The following USP19 variants were observed in gnomAD, a reference collection of about 807,000 sequenced individuals.
USP19 encodes ubiquitin carboxyl-terminal hydrolase 19.
A neutral mutation model predicts 144.8 loss-of-function variants in USP19; 40 were observed. The ratio of observed to expected loss-of-function variants is 0.28; its 90% confidence interval spans 0.21 to 0.36. USP19 has a LOEUF of 0.36. Among genes scored for constraint, USP19 ranks in the 10% least tolerant of loss-of-function variants. The pLI is 1.00. For synonymous variants in USP19, 701 were observed against 709.3 expected (o/e 0.99, Z 0.19); for missense variants, 1,518 against 1,822.5 (o/e 0.83, Z 3.04).
chr3:49,115,948 A>G lies in USP19; in HGVS notation c.1472-4T>C. 1 of 1,551,812 alleles carries G rather than the reference A, an allele frequency of 6.4e-7. No homozygotes were observed. Among genetic ancestry groups the G allele is most frequent in the Non-Finnish European group, 8.7e-7 (1 of 1,151,520 alleles). ...ACCTTTGCACCACCCACTGCACCTTAAAAAGGGGGAATGAGAGGGCTGGTG... is the reference window on the plus strand; with the variant it reads ...ACCTTTGCACCACCCACTGCACCTTGAAAAGGGGGAATGAGAGGGCTGGTG... On this transcript the variant is annotated splice_polypyrimidine_tract_variant and splice_region_variant and intron_variant, in intron 10 of 26. Coordinates refer to ENST00000417901, the MANE Select transcript of USP19 (RefSeq NM_001199161.2). The surrounding 1 kb of genome is among the most constrained non-coding windows in gnomAD (Gnocchi z 6.6).
Position 49,117,923 on chromosome 3 carries a change from AC to A in USP19, c.298+23del. The A allele has an allele frequency of 6.2e-7, 1 of 1,613,048 alleles. No individual in the cohort carries two copies. Among genetic ancestry groups the A allele is most frequent in the Non-Finnish European group, 8.5e-7 (1 of 1,179,748 alleles). ...AAGTGCCCCCTCCCCTTCCCTAGCA[AC>A]AAAAAGCCCATTCGTTACTGACCCT... On this transcript the variant is annotated intron_variant, in intron 3 of 26. Transcript: ENST00000417901. The surrounding 1 kb of genome is among the most constrained non-coding windows in gnomAD (Gnocchi z 4.4).
chr3:49,109,878 G>A (rs2042880013), intron 26 of USP19: 1 of 231,008 alleles, frequency 4.3e-6, no homozygotes, highest in Admixed American at 5.4e-5. Context: ...ATCTAGGAGA[G>A]TGTCAGGTAT....
rs1363665075 is a variant in USP19 at position 49,111,382 on chromosome 3, T to C, written c.3218-17A>G. On this transcript the variant is annotated splice_polypyrimidine_tract_variant and intron_variant, in intron 21 of 26. Coordinates refer to ENST00000417901, the MANE Select transcript of USP19 (RefSeq NM_001199161.2). The surrounding 1 kb of genome is among the most constrained non-coding windows in gnomAD (Gnocchi z 5.9). ...GCACAGCAGCTGTGTGAGAACATGATAATCAAAGCTTCCCTGCCCATCAGG... is the reference window on the plus strand; with the variant it reads ...GCACAGCAGCTGTGTGAGAACATGACAATCAAAGCTTCCCTGCCCATCAGG... The C allele has an allele frequency of 1.2e-6, 2 of 1,613,950 alleles. No homozygotes were observed. The highest frequency in any genetic ancestry group is 1.7e-6 in the Non-Finnish European group (2 of 1,180,020).
Position 49,108,504 on chromosome 3 carries a change from C to A in USP19, c.4063G>T (p.Glu1355Ter). 8.0e-7 allele frequency: 1 copy of A among 1,249,596 alleles called. No homozygotes were observed. The highest frequency in any genetic ancestry group is 1.0e-6 in the Non-Finnish European group (1 of 970,496). 77.4% of individuals were successfully genotyped at this position (1,249,596 alleles called of 1,614,324 possible). The part of the protein sequence containing the change: ...SQGLGPGQAP[E>*]VAPTRTAPER... ...GGGGCTGTCCGCGTGGGGGCCACCT[C>A]GGGGGCCTGGCCAGGGCCTAGTCCC... The change falls in exon 27 of 27, where the codon GAG (glutamate) becomes TAG (stop). Residue 1355 changes from glutamate (E) to a stop codon, truncating the protein, a stop_gained. Transcript: ENST00000417901. LOFTEE classifies it high-confidence loss of function. The surrounding 1 kb of genome is among the most constrained non-coding windows in gnomAD (Gnocchi z 4.8).
At position 49,117,381 on chromosome 3, in the gene USP19, C is replaced by A; in HGVS notation, c.607-20G>T. The A allele has an allele frequency of 6.2e-7, 1 of 1,605,492 alleles. No individual in the cohort carries two copies. The highest frequency in any genetic ancestry group is 1.1e-5 in the South Asian group (1 of 90,850). Reference sequence around the variant, plus strand: ...TTTCTTCTGCCAAAGATACAGCAGTCAGGCCCTGTCGACTACACTGGTATC... The same window carrying A: ...TTTCTTCTGCCAAAGATACAGCAGTAAGGCCCTGTCGACTACACTGGTATC... On this transcript the variant is annotated intron_variant, in intron 5 of 26. Coordinates refer to ENST00000417901, the MANE Select transcript of USP19 (RefSeq NM_001199161.2). This position sits in a 1 kb window ranked among gnomAD's most constrained non-coding sequence, Gnocchi z 4.4.
In USP19 at chr3:49,110,994, G is replaced by A. The variant is rs749208880; in HGVS notation, c.3501C>T (p.Leu1167=). 2.5e-6 allele frequency: 4 copies of A among 1,614,052 alleles called. No homozygotes were observed. Among genetic ancestry groups the A allele is most frequent in the East Asian group, 2.2e-5 (1 of 44,864 alleles). ...RAGHFTLDQC[L]NLFTRPEVLA... ...GCACCTCAGGCCGTGTGAAGAGGTT[G>A]AGGCACTGGTCCAGGGTGAAGTGGC... Residue 1167 remains leucine (L), a synonymous_variant, in exon 23 of 27, where the codon CTC becomes CTT. Coordinates refer to ENST00000417901, the MANE Select transcript of USP19 (RefSeq NM_001199161.2). The surrounding 1 kb of genome is among the most constrained non-coding windows in gnomAD (Gnocchi z 6.1).
At chr3:49,119,316 C>T in intron 1 of USP19, 35 bp from the exon 2 acceptor site, 1 of 829,000 alleles carries the variant, frequency 1.2e-6, no homozygotes, top group Non-Finnish European at 1.8e-6. Flanking sequence ...CTGCCAAGAC[C>T]CAACAACTTG....
Position 49,108,888 on chromosome 3 carries a change from C to A in USP19, c.4039-360G>T. 1.3e-6 allele frequency: 2 copies of A among 1,527,302 alleles called. No homozygotes were observed. Among genetic ancestry groups the A allele is most frequent in the East Asian group, 2.3e-5 (1 of 42,724 alleles). The allele number at this position is 1,527,302 out of a possible 1,614,324, so 94.6% of individuals were successfully genotyped here. A position where few individuals can be genotyped will look rare whatever the true frequency, so the allele number is the denominator to read the frequency against. On this transcript the variant is annotated intron_variant, in intron 26 of 26. Coordinates refer to ENST00000417901, the MANE Select transcript of USP19 (RefSeq NM_001199161.2). The surrounding 1 kb of genome is among the most constrained non-coding windows in gnomAD (Gnocchi z 4.8). Reference sequence around the variant, plus strand: ...GAGGCCCAAAGCCCAGAGGTGTTCCCCACAACAAAGGCAGGCATGGCCTGG... The same window carrying A: ...GAGGCCCAAAGCCCAGAGGTGTTCCACACAACAAAGGCAGGCATGGCCTGG...
chr3:49,114,107 G>A lies in USP19; in HGVS notation c.2404-14C>T. 6.2e-7 allele frequency: 1 copy of A among 1,614,192 alleles called. No individual in the cohort carries two copies. ...GCTCACCAGGAACTGTGGCAAAAAG[G>A]GCAGTCAGTGAGGGAGGTGGGCCAC... On this transcript the variant is annotated splice_polypyrimidine_tract_variant and intron_variant, in intron 16 of 26. Transcript: ENST00000417901. This position sits in a 1 kb window ranked among gnomAD's most constrained non-coding sequence, Gnocchi z 4.5.
chr3:49,110,411 A>AC lies in USP19; in HGVS notation c.3859+32dup. ...GAACAAAGTCTGCACCACCACCCCTACCACCTATCCTGCTGGCTGTGTGTG... is the reference window on the plus strand; with the variant it reads ...GAACAAAGTCTGCACCACCACCCCTACCCACCTATCCTGCTGGCTGTGTGTG... On this transcript the variant is annotated intron_variant, in intron 25 of 26. Coordinates refer to ENST00000417901, the MANE Select transcript of USP19 (RefSeq NM_001199161.2). This position sits in a 1 kb window ranked among gnomAD's most constrained non-coding sequence, Gnocchi z 6.1. The AC allele has an allele frequency of 1.2e-6, 2 of 1,609,582 alleles. No homozygotes were observed. The highest frequency in any genetic ancestry group is 3.3e-4 in the Middle Eastern group (2 of 6,034).
rs376980020 is a variant in USP19, at chr3:49,117,051, G to A, written c.909+8C>T. The A allele has an allele frequency of 3.2e-5, 49 of 1,518,022 alleles. 2 individuals are homozygous for A. In the South Asian group the frequency reaches 5.8e-4, roughly 18 times the overall value. 94.0% of individuals were successfully genotyped at this position (1,518,022 alleles called of 1,614,324 possible). ...CTCCTAACACCCAAACAGGTGCCCA[G>A]CTCTCACCTGGGTGGCTGGGTCAGC... On this transcript the variant is annotated splice_region_variant and intron_variant, in intron 6 of 26. Coordinates refer to ENST00000417901, the MANE Select transcript of USP19 (RefSeq NM_001199161.2). This position sits in a 1 kb window ranked among gnomAD's most constrained non-coding sequence, Gnocchi z 4.4.
At position 49,117,231 on chromosome 3, in the gene USP19, T is replaced by C. The variant is rs887777095; in HGVS notation, c.737A>G (p.Lys246Arg). 6.4e-7 allele frequency: 1 copy of C among 1,551,758 alleles called. No individual in the cohort carries two copies. Reference protein sequence around the residue: ...HRAKQEARNQKRAQGRGEVGA... With the variant: ...HRAKQEARNQRRAQGRGEVGA... The stretch of plus-strand genomic sequence containing the variant: ...TACCTCACCACGGCCCTGGGCCCGC[T>C]TCTGGTTCCGGGCCTCCTGCTTAGC... Residue 246 changes from lysine to arginine, a missense_variant, in exon 6 of 27, where the codon AAG becomes AGG. Around this residue, in one of 5 missense-constraint regions of USP19, gnomAD observed 707 missense variants for 728.9 expected, o/e 0.97. Transcript: ENST00000417901. This position sits in a 1 kb window ranked among gnomAD's most constrained non-coding sequence, Gnocchi z 4.4.
At chr3:49,118,871 G>C (rs569718011) in intron 2 of USP19, 151 bp downstream of exon 2, 7 of 1,167,752 alleles carry the variant, frequency 6.0e-6, no homozygotes, top group Non-Finnish European at 8.3e-6. Flanking sequence ...CAAAGCTGAG[G>C]CTCTACTGAG....
Position 49,115,897 on chromosome 3 carries a change from G to A in USP19, c.1519C>T (p.Leu507=), listed in dbSNP as rs775020572. The A allele has an allele frequency of 3.2e-6, 5 of 1,586,272 alleles. No individual in the cohort carries two copies. The highest frequency in any genetic ancestry group is 1.1e-5 in the South Asian group (1 of 87,164). ...GCACCTCCTGGTGGGGTTGAATCCAGAGGGGTTGGACCTGTCGGCACGGCA... is the reference window on the plus strand; with the variant it reads ...GCACCTCCTGGTGGGGTTGAATCCAAAGGGGTTGGACCTGTCGGCACGGCA... The part of the protein sequence containing the change: ...KVAVPTGPTP[L]DSTPPGGAPH... The change falls in exon 11 of 27, where the codon CTG becomes TTG. Residue 507 remains leucine, a synonymous_variant. Coordinates refer to ENST00000417901, the MANE Select transcript of USP19 (RefSeq NM_001199161.2). The surrounding 1 kb of genome is among the most constrained non-coding windows in gnomAD (Gnocchi z 6.6).
rs1404816777 is a variant in USP19 at position 49,111,633 on chromosome 3, C to T, written c.3084G>A (p.Gly1028=). Reference sequence around the variant, plus strand: ...CAGGGGCTGCCCACACCCGGGGAAGCCCTGTGTCCCCCTCAGCCATAGGGG... The same window carrying T: ...CAGGGGCTGCCCACACCCGGGGAAGTCCTGTGTCCCCCTCAGCCATAGGGG... ...LVTPMAEGDT[G]LPRVWAAPDR... is the part of the protein sequence containing the mutation. Residue 1028 remains glycine, a synonymous_variant, in exon 21 of 27, where the codon GGG becomes GGA. Transcript: ENST00000417901. The surrounding 1 kb of genome is among the most constrained non-coding windows in gnomAD (Gnocchi z 5.9). 3.7e-6 allele frequency: 6 copies of T among 1,607,370 alleles called. No individual in the cohort carries two copies. The highest frequency in any genetic ancestry group is 5.1e-6 in the Non-Finnish European group (6 of 1,176,924).
rs1034888868 is a variant in USP19 at position 49,112,205 on chromosome 3, G to A, written c.2765+79C>T. 17 of 1,553,230 alleles carry A rather than the reference G, an allele frequency of 1.1e-5. No individual in the cohort carries two copies. Among genetic ancestry groups the A allele is most frequent in the African/African-American group, 1.4e-5 (1 of 73,352 alleles). On this transcript the variant is annotated intron_variant, in intron 19 of 26. Coordinates refer to ENST00000417901, the MANE Select transcript of USP19 (RefSeq NM_001199161.2). This position sits in a 1 kb window ranked among gnomAD's most constrained non-coding sequence, Gnocchi z 4.9. The stretch of plus-strand genomic sequence containing the variant: ...GCAAGTAGAAAGCTTAAGCATATGT[G>A]CCTTGGTGTGAAGGGAAGGAGCAGG...
At chr3:49,118,897 T>C in intron 2 of USP19, 125 bp downstream of exon 2, 3 of 1,448,114 alleles carry the variant, frequency 2.1e-6, no homozygotes, top group Middle Eastern at 1.8e-4. Context: ...CATGGGTCCT[T>C]CTTCTCTCAT....
At position 49,116,149 on chromosome 3, in the gene USP19, G is replaced by A; in HGVS notation, c.1369C>T (p.Pro457Ser). Residue 457 changes from proline to serine, a missense_variant, in exon 10 of 27, where the codon CCA becomes TCA. Pro to Ser is a moderately conservative substitution (Grantham distance 74). Transcript: ENST00000417901. The surrounding 1 kb of genome is among the most constrained non-coding windows in gnomAD (Gnocchi z 5.0). ...GTGAAACAGAAGGTGCACTGCTCTG[G>A]CTCAATCAGATTCCTGTGGGAAAAG... ...WQVKLRNLIEPEQCTFCFTAS... is the reference protein window; with the variant it reads ...WQVKLRNLIESEQCTFCFTAS... The A allele has an allele frequency of 6.2e-7, 1 of 1,613,968 alleles. No individual in the cohort carries two copies. The highest frequency in any genetic ancestry group is 8.5e-7 in the Non-Finnish European group (1 of 1,179,960).
chr3:49,117,025 TCTC>T lies in USP19; in HGVS notation c.909+31_909+33del. The stretch of plus-strand genomic sequence containing the variant: ...CTCCAGTGCACACCCTTTCCCCCCA[TCTC>T]CTAACACCCAAACAGGTGCCCAGCT... On this transcript the variant is annotated intron_variant, in intron 6 of 26. Transcript: ENST00000417901. This position sits in a 1 kb window ranked among gnomAD's most constrained non-coding sequence, Gnocchi z 4.4. 5.9e-6 allele frequency: 9 copies of T among 1,530,924 alleles called. No homozygotes were observed. The highest frequency in any genetic ancestry group is 7.9e-6 in the Non-Finnish European group (9 of 1,135,254). The allele number at this position is 1,530,924 out of a possible 1,614,324, so 94.8% of individuals were successfully genotyped here.
Sources: gnomAD v4.1 joint callset for allele counts on GRCh38, gnomAD v4.1.1 for gene constraint, gnomAD v4.1.1 regional missense constraint, Gnocchi (gnomAD v3.1) non-coding constraint, MANE v1.5 for transcripts, NCBI Gene and HGNC (gene_info 2026-07-23, HGNC 2026-07-21) for gene names.